RNF6: variants seen among roughly 807,000 people sequenced by gnomAD.
RNF6 encodes ring finger protein 6, also known as E3 ubiquitin-protein ligase RNF6.
Under a neutral mutation model 50.1 loss-of-function variants are expected in RNF6, and 21 were observed. The observed-to-expected ratio is 0.42, with a 90% CI of 0.30 to 0.60. RNF6 has a LOEUF of 0.60. Among genes scored for constraint, RNF6 ranks in the 20% least tolerant of loss-of-function variants. RNF6 has a pLI of 0.20. For synonymous variants in RNF6, 255 were observed against 291.8 expected (o/e 0.87, Z 1.29); for missense variants, 698 against 838.2 (o/e 0.83, Z 2.07).
Position 26,214,632 on chromosome 13 carries a change from A to G in RNF6, c.1250T>C (p.Ile417Thr). 1 of 1,614,178 alleles carries G rather than the reference A, an allele frequency of 6.2e-7. No individual in the cohort carries two copies. The highest frequency in any genetic ancestry group is 2.2e-5 in the East Asian group (1 of 44,878). Reference sequence around the variant, plus strand: ...TACTCTGGATCGAGTTCTATTTGCAATACTATCCCGATCTCTATTTTCTCC... The same window carrying G: ...TACTCTGGATCGAGTTCTATTTGCAGTACTATCCCGATCTCTATTTTCTCC... ...RPGENRDRDSIANRTRSRVGL... is the reference protein window; with the variant it reads ...RPGENRDRDSTANRTRSRVGL... Residue 417 changes from isoleucine to threonine, a missense_variant, in exon 5 of 5, where the codon ATT (isoleucine) becomes ACT (threonine). Ile to Thr is a moderately conservative substitution (Grantham distance 89). Coordinates refer to ENST00000381588, the MANE Select transcript of RNF6 (RefSeq NM_005977.4).
intron 5 of RNF6, among the ~76,000 whole-genome samples, chr13:26,179,790 T>G (rs1593170407): frequency 1.3e-5 from 2 of 152,192 alleles, no homozygotes; most frequent in South Asian, 4.1e-4. Context: ...TGTAGCACGT[T>G]GACTGACACG....
intron 5 of RNF6, among the ~76,000 whole-genome samples, chr13:26,199,678 A>G (rs1451533486): frequency 6.6e-6 from 1 of 152,214 alleles, no homozygotes; most frequent in Non-Finnish European, 1.5e-5. Flanking sequence ...TAATACTCCT[A>G]ATACATAAAG....
At chr13:26,155,987 G>T (rs1226599038) in intron 5 of RNF6, among the ~76,000 whole-genome samples, 1 of 152,142 alleles carries the variant, frequency 6.6e-6, no homozygotes. Context: ...AGAACAGCAT[G>T]AAAGCCGCTT....
chr13:26,184,019 T>TATATATATATATA (rs1491321211), intron 5 of RNF6, among the ~76,000 whole-genome samples: 1 of 20,342 alleles, frequency 4.9e-5, no homozygotes, highest in African/African-American at 1.7e-4. Context: ...TATATATATA[T>TATATATATATATA]TTTTTTTTTT....
intron 5 of RNF6, among the ~76,000 whole-genome samples, chr13:26,136,600 C>A (rs1360668561): frequency 6.6e-6 from 1 of 152,176 alleles, no homozygotes; most frequent in East Asian, 1.9e-4. Context: ...AAATCGTTCA[C>A]GGAAGTTTAT....
chr13:26,152,196 G>T lies in RNF6; in HGVS notation n.769-19745C>A, dbSNP rs116771795. ...TTGTAACTTATTTATTTTTGAATAT[G>T]TAACACATTCAACACGTTTCACAAT... is the stretch of plus-strand genomic sequence containing the variant. On this transcript the variant is annotated intron_variant and non_coding_transcript_variant, in intron 5 of 5. Coordinates refer to the RNF6 transcript ENST00000468480. Among the ~76,000 whole-genome samples the T allele has an allele frequency of 9.7e-3, 1,474 of 152,260 alleles. 17 individuals carry two copies. The highest frequency in any genetic ancestry group is 0.034 in the African/African-American group (1,406 of 41,532).
In RNF6 at chr13:26,171,907, G is replaced by C. The variant is rs1004177989; in HGVS notation, n.769-39456C>G. On this transcript the variant is annotated intron_variant and non_coding_transcript_variant, in intron 5 of 5. Coordinates refer to the RNF6 transcript ENST00000468480. Reference sequence around the variant, plus strand: ...TAGAAGTTATCGGGGCTAGGGGAAGGGGGTAAAGAAGAGTTACTGTTTAAT... The same window carrying C: ...TAGAAGTTATCGGGGCTAGGGGAAGCGGGTAAAGAAGAGTTACTGTTTAAT... 3.3e-5 allele frequency among the ~76,000 whole-genome samples: 5 copies of C among 152,248 alleles called. No individual in the cohort carries two copies. The South Asian group carries it at 8.3e-4, about 25-fold the overall frequency.
At chr13:26,151,657 G>C (rs1488877305) in intron 5 of RNF6, among the ~76,000 whole-genome samples, 1 of 140,058 alleles carries the variant, frequency 7.1e-6, no homozygotes, top group Non-Finnish European at 1.5e-5. Flanking sequence ...ATTTTTTGGA[G>C]ACCCAAGGGA....
At chr13:26,205,337 T>C (rs1343378870) in intron 5 of RNF6, among the ~76,000 whole-genome samples, 4 of 152,186 alleles carry the variant, frequency 2.6e-5, no homozygotes, top group African/African-American at 9.7e-5. Context: ...TTGAATAAAT[T>C]ATTTAAGCTC....
chr13:26,152,031 G>A (rs1871635017), intron 5 of RNF6, among the ~76,000 whole-genome samples: 1 of 152,098 alleles, frequency 6.6e-6, no homozygotes, highest in Admixed American at 6.6e-5. Flanking sequence ...CCTTCTGCGG[G>A]TAACACACCA....
downstream of RNF6, among the ~76,000 whole-genome samples, chr13:26,211,213 C>A (rs1328111768): frequency 6.6e-6 from 1 of 152,174 alleles, no homozygotes; most frequent in African/African-American, 2.4e-5. Context: ...TTATGAAATT[C>A]ATTAAGCTGT....
rs369146406 is a variant in RNF6, at chr13:26,215,224, T to C, written c.658A>G (p.Arg220Gly). 1.9e-5 allele frequency: 30 copies of C among 1,614,114 alleles called. No homozygotes were observed. Among genetic ancestry groups the C allele is most frequent in the Non-Finnish European group, 2.4e-5 (28 of 1,180,038 alleles). ...GATCCTTCAGCTGGATTTTGCCCCC[T>C]TGAAGCAAGCCTAGTCCTTGGAATG... Reference protein sequence around the residue: ...SNIPRTRLASRGQNPAEGSFS... With the variant: ...SNIPRTRLASGGQNPAEGSFS... Residue 220 changes from arginine (R) to glycine (G), a missense_variant, in exon 5 of 5, where the codon AGG (arginine) becomes GGG (glycine). Transcript: ENST00000381588.
At chr13:26,173,259 C>T (rs917070313) in intron 5 of RNF6, among the ~76,000 whole-genome samples, 1 of 152,120 alleles carries the variant, frequency 6.6e-6, no homozygotes, top group Non-Finnish European at 1.5e-5. Flanking sequence ...AAGTTACGAA[C>T]AAAGATATGC....
At chr13:26,201,316 C>G (rs766284292) in intron 5 of RNF6, among the ~76,000 whole-genome samples, 1 of 152,186 alleles carries the variant, frequency 6.6e-6, no homozygotes, top group Non-Finnish European at 1.5e-5. Flanking sequence ...GAGCCAGAAG[C>G]TGTTTGAACT....
At chr13:26,184,454 G>C (rs566185327) in intron 5 of RNF6, among the ~76,000 whole-genome samples, 5 of 152,264 alleles carry the variant, frequency 3.3e-5, no homozygotes, top group Non-Finnish European at 7.4e-5. Flanking sequence ...TCTGTTTTAT[G>C]CTTTTTGCTC....
At position 26,219,540 on chromosome 13, in the gene RNF6, T is replaced by G; in HGVS notation, c.110A>C (p.Glu37Ala). 1 of 1,614,022 alleles carries G rather than the reference T, an allele frequency of 6.2e-7. No homozygotes were observed. Among genetic ancestry groups the G allele is most frequent in the Non-Finnish European group, 8.5e-7 (1 of 1,179,950 alleles). ...RRWQQERLHREEAYYQFINEL... is the reference protein window; with the variant it reads ...RRWQQERLHRAEAYYQFINEL... ...ATTAATAAACTGATAATAGGCCTCT[T>G]CTCTGTGGAGACGCTCTTGCTGCCA... is the stretch of plus-strand genomic sequence containing the variant. Residue 37 changes from glutamate (E) to alanine (A), a missense_variant, in exon 3 of 5, where the codon GAA (glutamate) becomes GCA (alanine). Physicochemically the swap from Glu to Ala is moderately radical, Grantham distance 107. Coordinates refer to ENST00000381588, the MANE Select transcript of RNF6 (RefSeq NM_005977.4).
intron 5 of RNF6, among the ~76,000 whole-genome samples, chr13:26,186,715 G>C (rs1054929134): frequency 6.6e-6 from 1 of 152,212 alleles, no homozygotes; most frequent in East Asian, 1.9e-4. Context: ...CGTCGATCCC[G>C]GGGGCGCTAG....
intron 5 of RNF6, among the ~76,000 whole-genome samples, chr13:26,142,779 A>C (rs1871026680): frequency 6.6e-6 from 1 of 152,156 alleles, no homozygotes; most frequent in Non-Finnish European, 1.5e-5. Flanking sequence ...TACTGTGTTC[A>C]CTACCTGGGT....
At chr13:26,209,253 A>G (rs1253134186), downstream of RNF6, among the ~76,000 whole-genome samples, 1 of 152,152 alleles carries the variant, frequency 6.6e-6, no homozygotes, top group Non-Finnish European at 1.5e-5. Context: ...CACCACCACA[A>G]GCACCAGTAG....
Sources: allele counts gnomAD v4.1 joint callset (sites outside exome capture counted in the v4.1 genomes callset), GRCh38; gene constraint gnomAD v4.1.1; transcripts MANE v1.5; gene names NCBI Gene and HGNC (gene_info 2026-07-23, HGNC 2026-07-21).